The following SEPTIN14 variants were observed in gnomAD, a reference collection of about 807,000 sequenced individuals.
The protein encoded by SEPTIN14 is septin 14.
In SEPTIN14, 40 loss-of-function variants were observed where a neutral mutation model predicts 53.6. That is an observed-to-expected ratio of 0.75 (90% CI 0.58 to 0.97). The LOEUF is 0.97. SEPTIN14 is among the 50% of genes least tolerant of loss of function. The pLI is 0.00. For synonymous variants in SEPTIN14, 138 were observed against 166.8 expected (o/e 0.83, Z 1.33); for missense variants, 471 against 508.2 (o/e 0.93, Z 0.70).
chr7:55,839,918 G>C (rs1027310059), intron 5 of SEPTIN14, among the ~76,000 whole-genome samples: 3 of 152,052 alleles, frequency 2.0e-5, no homozygotes, highest in African/African-American at 7.2e-5. Flanking sequence ...GCCGAGGTGG[G>C]CAGATCACCT....
intron 2 of SEPTIN14, among the ~76,000 whole-genome samples, chr7:55,850,121 A>G (rs760709489): frequency 6.6e-5 from 10 of 152,214 alleles, no homozygotes; most frequent in Non-Finnish European, 1.5e-4. Flanking sequence ...TCTACAAAAC[A>G]GAAGAGGGGG....
At chr7:55,816,262 A>C (rs996981485) in intron 7 of SEPTIN14, among the ~76,000 whole-genome samples, 2 of 152,174 alleles carry the variant, frequency 1.3e-5, no homozygotes, top group Non-Finnish European at 2.9e-5. Flanking sequence ...AGTTACATAG[A>C]ATGAATAAGA....
intron 6 of SEPTIN14, among the ~76,000 whole-genome samples, chr7:55,821,255 G>A (rs1292103020): frequency 6.6e-6 from 1 of 152,176 alleles, no homozygotes; most frequent in Non-Finnish European, 1.5e-5. Context: ...TGGTTCATGA[G>A]GCAGTGGCTC....
chr7:55,844,380 A>C, intron 4 of SEPTIN14, 143 bp downstream of exon 4: 2 of 434,632 alleles, frequency 4.6e-6, no homozygotes, highest in Non-Finnish European at 4.0e-6. Flanking sequence ...AAAAGTATTA[A>C]TCTTATAAGA....
At chr7:55,847,919 T>C (rs915197820) in intron 2 of SEPTIN14, among the ~76,000 whole-genome samples, 1 of 152,116 alleles carries the variant, frequency 6.6e-6, no homozygotes, top group African/African-American at 2.4e-5. Context: ...ATTTTAAAAA[T>C]GGGAATTATA....
chr7:55,845,512 T>C (rs1789387392), intron 3 of SEPTIN14, among the ~76,000 whole-genome samples: 2 of 152,150 alleles, frequency 1.3e-5, no homozygotes, highest in Admixed American at 6.6e-5. Context: ...AGTCAATGTA[T>C]TGTATATTTC....
chr7:55,808,680 T>C (rs1342186393), intron 7 of SEPTIN14, among the ~76,000 whole-genome samples: 1 of 152,160 alleles, frequency 6.6e-6, no homozygotes, highest in Non-Finnish European at 1.5e-5. Context: ...GCCTCTCAAG[T>C]AGCTGGGATT....
rs1428132199 is a variant in SEPTIN14, at chr7:55,794,583, CT to C, written c.*1329del. On this transcript the variant is annotated 3_prime_UTR_variant, in exon 10 of 10. Transcript: ENST00000388975. ...TAAAAGATCATTTAGTAAAATTTTT[CT>C]TCCCCCAAATTATAAAATCTGTAAG... is the stretch of plus-strand genomic sequence containing the variant. 6.6e-6 allele frequency: 1 copy of C among 152,146 alleles called. No homozygotes were observed. Among genetic ancestry groups the C allele is most frequent in the African/African-American group, 2.4e-5 (1 of 41,430 alleles). 9.4% of individuals were successfully genotyped at this position (152,146 alleles called of 1,614,324 possible). A position where few individuals can be genotyped will look rare whatever the true frequency, so the allele number is the denominator to read the frequency against.
At chr7:55,803,230 AC>A (rs1244126001) in intron 9 of SEPTIN14, among the ~76,000 whole-genome samples, 2 of 152,120 alleles carry the variant, frequency 1.3e-5, no homozygotes, top group Non-Finnish European at 2.9e-5. Context: ...GAGCCACTGC[AC>A]CCGGCTGAAC....
At chr7:55,844,845 T>A in intron 3 of SEPTIN14, 127 bp from the exon 4 acceptor site, 1 of 432,018 alleles carries the variant, frequency 2.3e-6, no homozygotes, top group Non-Finnish European at 4.0e-6. Flanking sequence ...AGTAGTATTC[T>A]GGCTACCAGA....
chr7:55,848,086 GA>G (rs1343844680), intron 2 of SEPTIN14, among the ~76,000 whole-genome samples: 4 of 152,070 alleles, frequency 2.6e-5, no homozygotes, highest in African/African-American at 9.7e-5. Flanking sequence ...GAGAATAAAG[GA>G]ATTATAAATC....
At chr7:55,857,796 C>A in intron 2 of SEPTIN14, among the ~76,000 whole-genome samples, 1 of 150,960 alleles carries the variant, frequency 6.6e-6, no homozygotes, top group Admixed American at 6.6e-5. Context: ...ACCGTGTTAG[C>A]CAGGATGGTC....
At chr7:55,816,642 CAA>C (rs763100495) in intron 7 of SEPTIN14, among the ~76,000 whole-genome samples, 11 of 119,552 alleles carry the variant, frequency 9.2e-5, no homozygotes, top group South Asian at 2.7e-4. Flanking sequence ...ACTAAAAATA[CAA>C]AAAAAAAAAA....
At chr7:55,862,530 C>T (rs958716678) in intron 1 of SEPTIN14, among the ~76,000 whole-genome samples, 158 bp downstream of exon 1, 9 of 152,096 alleles carry the variant, frequency 5.9e-5, no homozygotes, top group African/African-American at 1.9e-4. Context: ...AATGATAATT[C>T]TCATTTATGA....
At chr7:55,835,593 G>A (rs1562715089) in intron 5 of SEPTIN14, among the ~76,000 whole-genome samples, 1 of 152,048 alleles carries the variant, frequency 6.6e-6, no homozygotes, top group South Asian at 2.1e-4. Flanking sequence ...AAGGGATTTT[G>A]TCCTTCTACT....
At chr7:55,798,082 C>T (rs1456932846) in intron 9 of SEPTIN14, 11 of 181,862 alleles carry the variant, frequency 6.0e-5, no homozygotes, top group Admixed American at 2.4e-4. Context: ...CAAGGCCTCC[C>T]GTGGCCTCGG....
At chr7:55,857,162 C>T (rs577537046) in intron 2 of SEPTIN14, among the ~76,000 whole-genome samples, 3 of 151,490 alleles carry the variant, frequency 2.0e-5, no homozygotes, top group South Asian at 2.1e-4. Context: ...CACCTGAGGT[C>T]GGGAGTTTGA....
At chr7:55,806,944 T>G in intron 8 of SEPTIN14, 146 bp downstream of exon 8, 2 of 552,798 alleles carry the variant, frequency 3.6e-6, no homozygotes, top group Non-Finnish European at 6.1e-6. Context: ...CAAAAGATCA[T>G]AAAAACACCT....
At chr7:55,835,931 C>A (rs1437850644) in intron 5 of SEPTIN14, among the ~76,000 whole-genome samples, 1 of 151,966 alleles carries the variant, frequency 6.6e-6, no homozygotes, top group Non-Finnish European at 1.5e-5. Context: ...TTAGTAGAGA[C>A]AGGGTTTCAC....
Sources: gnomAD v4.1 joint callset for allele counts (sites outside exome capture counted in the v4.1 genomes callset) on GRCh38, gnomAD v4.1.1 for gene constraint, MANE v1.5 for transcripts, NCBI Gene and HGNC (gene_info 2026-07-23, HGNC 2026-07-21) for gene names.